Variants in MECOM observed in about 807,000 individuals in gnomAD.
The protein encoded by MECOM is histone-lysine N-methyltransferase MECOM.
In MECOM, 13 loss-of-function variants were observed where a neutral mutation model predicts 116.3. The observed-to-expected ratio is 0.11, with a 90% CI of 0.07 to 0.18. The LOEUF is 0.18. Ranked by LOEUF, MECOM falls within the 10% of genes least tolerant of loss-of-function variation. The pLI is 1.00. For synonymous variants in MECOM, 528 were observed against 535.2 expected (o/e 0.99, Z 0.19); for missense variants, 1,299 against 1,509.0 (o/e 0.86, Z 2.31).
At chr3:169,535,109 C>T (rs978860113) in intron 1 of MECOM, among the ~76,000 whole-genome samples, 4 of 152,166 alleles carry the variant, frequency 2.6e-5, no homozygotes, top group African/African-American at 9.7e-5. Context: ...CCTGAACTGC[C>T]TACCTCCCTC....
intron 1 of MECOM, among the ~76,000 whole-genome samples, chr3:169,583,847 C>G (rs1765418633): frequency 6.6e-6 from 1 of 150,938 alleles, no homozygotes; most frequent in African/African-American, 2.4e-5. Context: ...TTAAGCAATT[C>G]TCCTGCCTTG....
chr3:169,541,739 G>T (rs957833304), intron 1 of MECOM, among the ~76,000 whole-genome samples: 2 of 151,894 alleles, frequency 1.3e-5, no homozygotes, highest in Non-Finnish European at 2.9e-5. Context: ...CTGCTGCATT[G>T]TCCTGGCCAG....
At chr3:169,503,513 G>T (rs187754024) in intron 1 of MECOM, among the ~76,000 whole-genome samples, 240 of 152,276 alleles carry the variant, frequency 1.6e-3, no homozygotes, top group African/African-American at 5.7e-3. Context: ...TTTTGAAAAA[G>T]TTTAGAAATC....
chr3:169,450,481 G>A (rs911094626), intron 1 of MECOM, among the ~76,000 whole-genome samples: 1 of 151,916 alleles, frequency 6.6e-6, no homozygotes, highest in Non-Finnish European at 1.5e-5. Context: ...TTCCAGCAAG[G>A]CCTGGTGACT....
intron 2 of MECOM, among the ~76,000 whole-genome samples, chr3:169,238,186 A>G (rs1754343325): frequency 6.6e-6 from 1 of 151,568 alleles, no homozygotes. Context: ...AAAAAAAAAA[A>G]AAAAGAAAAA....
intron 2 of MECOM, among the ~76,000 whole-genome samples, chr3:169,220,269 A>G (rs999882360): frequency 2.6e-5 from 4 of 152,108 alleles, no homozygotes; most frequent in African/African-American, 9.6e-5. Flanking sequence ...GGCTGCCTGC[A>G]GTGAGCTGTT....
At chr3:169,564,157 G>A (rs1762961603) in intron 1 of MECOM, among the ~76,000 whole-genome samples, 2 of 151,922 alleles carry the variant, frequency 1.3e-5, no homozygotes, top group African/African-American at 4.8e-5. Context: ...TTGACCATGG[G>A]GTAATTAATA....
At chr3:169,356,808 C>A (rs1727361554) in intron 2 of MECOM, among the ~76,000 whole-genome samples, 1 of 151,874 alleles carries the variant, frequency 6.6e-6, no homozygotes, top group South Asian at 2.1e-4. Context: ...AATGTGAATA[C>A]CTCTGCTTCT....
chr3:169,170,541 T>C (rs1489287341), intron 2 of MECOM, among the ~76,000 whole-genome samples: 2 of 152,148 alleles, frequency 1.3e-5, no homozygotes, highest in East Asian at 1.9e-4. Context: ...ATATACACTT[T>C]CGTGGATGCT....
At chr3:169,473,152 C>A (rs1395906910) in intron 1 of MECOM, among the ~76,000 whole-genome samples, 1 of 152,140 alleles carries the variant, frequency 6.6e-6, no homozygotes, top group Non-Finnish European at 1.5e-5. Flanking sequence ...AATACAGAAT[C>A]CTGATTTCTA....
At chr3:169,650,713 G>C (rs1774786167) in intron 1 of MECOM, among the ~76,000 whole-genome samples, 1 of 151,952 alleles carries the variant, frequency 6.6e-6, no homozygotes, top group Non-Finnish European at 1.5e-5. Context: ...ACCCTGCTGT[G>C]ACCGTGTCTC....
intron 1 of MECOM, among the ~76,000 whole-genome samples, chr3:169,457,038 C>T (rs1008695705): frequency 1.3e-4 from 20 of 152,102 alleles, no homozygotes; most frequent in Non-Finnish European, 2.9e-4. Flanking sequence ...AGCAGCCAGA[C>T]CCAGGGCCAG....
At chr3:169,556,075 A>C (rs1761993074) in intron 1 of MECOM, among the ~76,000 whole-genome samples, 1 of 152,212 alleles carries the variant, frequency 6.6e-6, no homozygotes, top group Non-Finnish European at 1.5e-5. Flanking sequence ...TTGGTTAGTG[A>C]AATGACAAGT....
chr3:169,494,400 T>A (rs756623839), intron 1 of MECOM, among the ~76,000 whole-genome samples: 43 of 152,250 alleles, frequency 2.8e-4, no homozygotes, highest in Non-Finnish European at 5.1e-4. Context: ...TTACTCTTGA[T>A]TCATGTTGCT....
chr3:169,361,238 A>G (rs899449155), intron 2 of MECOM, among the ~76,000 whole-genome samples: 1 of 151,840 alleles, frequency 6.6e-6, no homozygotes, highest in African/African-American at 2.4e-5. Flanking sequence ...CCTCCTGTGC[A>G]CTGTTTAGGG....
intron 2 of MECOM, among the ~76,000 whole-genome samples, chr3:169,305,044 C>T (rs538570226): frequency 2.0e-5 from 3 of 152,312 alleles, no homozygotes; most frequent in South Asian, 2.1e-4. Context: ...AAAGGCAAGA[C>T]ATTTCTAATC....
chr3:169,307,605 G>A (rs1397559112), intron 2 of MECOM, among the ~76,000 whole-genome samples: 2 of 152,194 alleles, frequency 1.3e-5, no homozygotes, highest in Non-Finnish European at 2.9e-5. Context: ...GCAGCATCAT[G>A]TTAAGATACA....
chr3:169,252,650 A>T (rs1756389931), intron 2 of MECOM, among the ~76,000 whole-genome samples: 1 of 152,138 alleles, frequency 6.6e-6, no homozygotes, highest in South Asian at 2.1e-4. Context: ...TTTACTGGGA[A>T]ATCTGACACA....
At chr3:169,094,527 T>C (rs1467328645) in intron 13 of MECOM, among the ~76,000 whole-genome samples, 8 of 152,228 alleles carry the variant, frequency 5.3e-5, no homozygotes, top group Non-Finnish European at 1.2e-4. Context: ...TACTTTCATA[T>C]AAGAATTTGT....
Sources: allele counts gnomAD v4.1 joint callset (sites outside exome capture counted in the v4.1 genomes callset), GRCh38; gene constraint gnomAD v4.1.1; transcripts MANE v1.5; gene names NCBI Gene and HGNC (gene_info 2026-07-23, HGNC 2026-07-21).